TLN2: variants seen among roughly 807,000 people sequenced by gnomAD.
TLN2 encodes talin-2.
Under a neutral mutation model 294.7 loss-of-function variants are expected in TLN2, and 118 were observed. That is an observed-to-expected ratio of 0.40 (90% CI 0.34 to 0.47). TLN2 has a LOEUF of 0.47. TLN2 is among the 20% of genes least tolerant of loss of function. TLN2 has a pLI of 0.84. For synonymous variants in TLN2, 1,431 were observed against 1,304.5 expected (o/e 1.10, Z -2.09); for missense variants, 3,083 against 3,282.2 (o/e 0.94, Z 1.48).
At chr15:62,433,011 C>A (rs998442579) in intron 1 of TLN2, among the ~76,000 whole-genome samples, 3 of 152,094 alleles carry the variant, frequency 2.0e-5, no homozygotes, top group Admixed American at 6.5e-5. Flanking sequence ...CACTTGGTTT[C>A]TATTTTAAGA....
At chr15:62,470,485 C>T (rs1053614002) in intron 1 of TLN2, among the ~76,000 whole-genome samples, 1 of 152,248 alleles carries the variant, frequency 6.6e-6, no homozygotes, top group African/African-American at 2.4e-5. Context: ...GGCTGCCAAA[C>T]TTGAATTCCT....
intron 26 of TLN2, among the ~76,000 whole-genome samples, chr15:62,724,686 T>G (rs2060339726): frequency 6.6e-6 from 1 of 152,178 alleles, no homozygotes; most frequent in African/African-American, 2.4e-5. Context: ...AGTGAATAAA[T>G]GATCCACTGA....
chr15:62,447,167 A>G (rs1484001257), intron 1 of TLN2, among the ~76,000 whole-genome samples: 5 of 21,450 alleles, frequency 2.3e-4, no homozygotes, highest in Non-Finnish European at 7.2e-4. Flanking sequence ...TTATTTATTT[A>G]TTTGTTTATT....
At chr15:62,471,905 G>A (rs1322470459) in intron 1 of TLN2, among the ~76,000 whole-genome samples, 1 of 152,162 alleles carries the variant, frequency 6.6e-6, no homozygotes, top group Non-Finnish European at 1.5e-5. Context: ...AGAGGCAGAG[G>A]GATTCCTTCT....
chr15:62,641,046 C>T (rs1284480154), intron 3 of TLN2, among the ~76,000 whole-genome samples: 1 of 151,822 alleles, frequency 6.6e-6, no homozygotes, highest in Admixed American at 6.6e-5. Context: ...AGGTAATCTA[C>T]CCACCTCAGC....
intron 1 of TLN2, among the ~76,000 whole-genome samples, chr15:62,569,809 G>A (rs2043716273): frequency 6.6e-6 from 1 of 152,226 alleles, no homozygotes; most frequent in East Asian, 1.9e-4. Context: ...ATATGTGAAT[G>A]CAGACAGTTT....
chr15:62,580,876 ATT>A (rs776576959), intron 1 of TLN2, among the ~76,000 whole-genome samples: 4 of 126,330 alleles, frequency 3.2e-5, no homozygotes, highest in African/African-American at 1.2e-4. Flanking sequence ...GCAACCACTG[ATT>A]TTTTTTTTTT....
chr15:62,760,431 C>A lies in TLN2; in HGVS notation c.4639-1250C>A, dbSNP rs189363260. On this transcript the variant is annotated intron_variant, in intron 37 of 58. Transcript: ENST00000636159. ...CTGCTTTGCTTGGTAATGCCAGTGC[C>A]CCTGTTTTTTTTTTATCCCAATTGT... Among the ~76,000 whole-genome samples the A allele has an allele frequency of 2.3e-3, 353 of 152,072 alleles. 1 individual carries two copies. Among genetic ancestry groups the A allele is most frequent in the Non-Finnish European group, 3.3e-3 (224 of 67,998 alleles).
intron 21 of TLN2, among the ~76,000 whole-genome samples, chr15:62,709,636 A>G (rs767277654): frequency 1.3e-5 from 2 of 152,244 alleles, no homozygotes; most frequent in Non-Finnish European, 2.9e-5. Context: ...ATTGAAAAGT[A>G]AGTCTCCCCA....
At chr15:62,758,403 G>T (rs2062447110) in intron 37 of TLN2, among the ~76,000 whole-genome samples, 1 of 152,222 alleles carries the variant, frequency 6.6e-6, no homozygotes, top group Non-Finnish European at 1.5e-5. Flanking sequence ...GCTGTTGCCT[G>T]CCTTTTTCCT....
chr15:62,432,195 G>A (rs917052635), intron 1 of TLN2, among the ~76,000 whole-genome samples: 8 of 152,020 alleles, frequency 5.3e-5, no homozygotes, highest in African/African-American at 1.9e-4. Flanking sequence ...TAGGTCCTCT[G>A]GAAAAGAAAC....
rs1304905313 is a variant in TLN2, at chr15:62,825,784, A to ATATTATAATATATATTATATAT, written c.7002+5177_7002+5178insTATAATATATATTATATATTAT. Among the ~76,000 whole-genome samples the ATATTATAATATATATTATATAT allele has an allele frequency of 4.8e-4, 7 of 14,618 alleles. 2 individuals carry two copies. Among genetic ancestry groups the ATATTATAATATATATTATATAT allele is most frequent in the African/African-American group, 1.4e-3 (7 of 4,852 alleles). 9.6% of individuals were successfully genotyped at this position (14,618 alleles called of 152,430 possible). On this transcript the variant is annotated intron_variant, in intron 54 of 58. Coordinates refer to ENST00000636159, the MANE Select transcript of TLN2 (RefSeq NM_015059.3). Reference sequence around the variant, plus strand: ...ATAATTATATATTATATAATATATTATATATTATAATATATATTATATATT... The same window carrying ATATTATAATATATATTATATAT: ...ATAATTATATATTATATAATATATTATATTATAATATATATTATATATTATATTATAATATATATTATATATT...
At chr15:62,758,043 G>A (rs545498608) in intron 37 of TLN2, among the ~76,000 whole-genome samples, 10 of 152,298 alleles carry the variant, frequency 6.6e-5, no homozygotes, top group Non-Finnish European at 1.3e-4. Flanking sequence ...TAAGACAGGT[G>A]CCCTGATAGC....
chr15:62,477,902 A>AGG (rs1302800587), intron 1 of TLN2, among the ~76,000 whole-genome samples: 2 of 6,316 alleles, frequency 3.2e-4, no homozygotes, highest in African/African-American at 1.0e-3. Flanking sequence ...GGGGGGATGG[A>AGG]GGGGGGGGTG....
chr15:62,528,312 C>G (rs565448471), intron 1 of TLN2, among the ~76,000 whole-genome samples: 1 of 152,236 alleles, frequency 6.6e-6, no homozygotes, highest in South Asian at 2.1e-4. Flanking sequence ...AAGTCACTAA[C>G]AGAAAGGCTT....
chr15:62,761,179 T>G (rs2062640730), intron 37 of TLN2, among the ~76,000 whole-genome samples: 1 of 152,340 alleles, frequency 6.6e-6, no homozygotes, highest in East Asian at 1.9e-4. Context: ...TATGCCTGCC[T>G]TGCCTCCATC....
chr15:62,472,275 C>G (rs367626696), intron 1 of TLN2, among the ~76,000 whole-genome samples: 1 of 152,194 alleles, frequency 6.6e-6, no homozygotes, highest in East Asian at 1.9e-4. Context: ...AAACCCAGAT[C>G]ACATGCTCCC....
intron 1 of TLN2, among the ~76,000 whole-genome samples, chr15:62,493,606 T>TC (rs1168722182): frequency 4.0e-5 from 6 of 148,478 alleles, no homozygotes; most frequent in South Asian, 4.2e-4. Flanking sequence ...CCATGGAGGT[T>TC]CCCCCCCGCC....
intron 1 of TLN2, among the ~76,000 whole-genome samples, chr15:62,576,460 A>AT (rs748789582): frequency 2.0e-5 from 3 of 152,154 alleles, no homozygotes; most frequent in Non-Finnish European, 2.9e-5. Context: ...CTCATAGGTT[A>AT]TTTTTTAGCA....
Sources: allele counts gnomAD v4.1 joint callset (sites outside exome capture counted in the v4.1 genomes callset), GRCh38; gene constraint gnomAD v4.1.1; transcripts MANE v1.5; gene names NCBI Gene and HGNC (gene_info 2026-07-23, HGNC 2026-07-21).